USP24: variants seen among roughly 807,000 people sequenced by gnomAD.
USP24 encodes the protein ubiquitin specific peptidase 24, also known as ubiquitin carboxyl-terminal hydrolase 24.
Under a neutral mutation model 361.6 loss-of-function variants are expected in USP24, and 97 were observed. The ratio of observed to expected loss-of-function variants is 0.27; its 90% confidence interval spans 0.23 to 0.32. The LOEUF (loss-of-function observed/expected upper bound fraction) is 0.32, where lower values mean the gene tolerates loss of function less well. USP24 is among the 10% of genes least tolerant of loss of function. The probability of loss-of-function intolerance (pLI) is 1.00; values close to 1 mark genes in which losing one functional copy is unlikely to be tolerated. For missense variants in USP24, 2,353 were observed against 3,165.6 expected (o/e 0.74, Z 6.16); for synonymous variants, 1,098 against 1,124.6 (o/e 0.98, Z 0.47).
At position 55,146,009 on chromosome 1, in the gene USP24, A is replaced by G; in HGVS notation, c.2351T>C (p.Ile784Thr). The G allele has an allele frequency of 1.9e-6, 3 of 1,610,436 alleles. No homozygotes were observed. The highest frequency in any genetic ancestry group is 2.5e-6 in the Non-Finnish European group (3 of 1,177,602). The stretch of plus-strand genomic sequence containing the variant: ...AAGTTTTTTCCTACCATTCATAGTG[A>G]TTTCATATGACTCCAATTTAAGAAT... ...EKILKLESYE[I>T]TMNGFNLFKT... is the part of the protein sequence containing the mutation. The change falls in exon 20 of 68, where the codon ATC (isoleucine) becomes ACC (threonine). Residue 784 changes from isoleucine to threonine, a missense_variant. Physicochemically the swap from Ile to Thr is moderately conservative, Grantham distance 89. This residue lies in a region of USP24 where 949 missense variants were observed against 1,280.5 expected (regional missense o/e 0.74). Coordinates refer to ENST00000294383, the MANE Select transcript of USP24 (RefSeq NM_015306.3).
intron 7 of USP24, among the ~76,000 whole-genome samples, 185 bp from the exon 8 acceptor site, chr1:55,162,449 A>G (rs956186098): frequency 6.6e-6 from 1 of 152,234 alleles, no homozygotes; most frequent in African/African-American, 2.4e-5. Context: ...CAACCCGCTT[A>G]AATTATTATA....
At position 55,073,869 on chromosome 1, in the gene USP24, G is replaced by A; in HGVS notation, c.7485C>T (p.Arg2495=). The A allele has an allele frequency of 6.3e-7, 1 of 1,582,084 alleles. No homozygotes were observed. The highest frequency in any genetic ancestry group is 8.6e-7 in the Non-Finnish European group (1 of 1,163,292). ...MHHSNHVDSS[R]CYQCVKFLVT... is the part of the protein sequence containing the mutation. ...CAAGAAATTTGACACACTGGTAGCAGCGACTACTGTCCACATGATTACTGT... is the reference window on the plus strand; with the variant it reads ...CAAGAAATTTGACACACTGGTAGCAACGACTACTGTCCACATGATTACTGT... The change falls in exon 64 of 68, where the codon CGC becomes CGT. Residue 2495 remains arginine, a synonymous_variant. Transcript: ENST00000294383.
rs1405881606 is a variant in USP24, at chr1:55,154,449, A to C, written c.1572T>G (p.Ser524Arg). 1.3e-6 allele frequency: 2 copies of C among 1,551,108 alleles called. No homozygotes were observed. The highest frequency in any genetic ancestry group is 1.7e-6 in the Non-Finnish European group (2 of 1,146,782). ...TCAAAAGCTTCTGTCTTACTCTATC[A>C]CTCTCAGTCTCCCAGCTCTGTAGAA... The part of the protein sequence containing the change: ...VLIQKSWETE[S>R]DRVRQKLLSL... The change falls in exon 14 of 68, where the codon AGT becomes AGG. Residue 524 changes from serine (S) to arginine (R), a missense_variant. Ser to Arg is a moderately radical substitution (Grantham distance 110). Around this residue, in one of 8 missense-constraint regions of USP24, gnomAD observed 386 missense variants for 560.5 expected, o/e 0.69. Coordinates refer to ENST00000294383, the MANE Select transcript of USP24 (RefSeq NM_015306.3).
At chr1:55,190,164 C>CAAAAAAA (rs397696116) in intron 1 of USP24, among the ~76,000 whole-genome samples, 6 of 78,646 alleles carry the variant, frequency 7.6e-5, no homozygotes, top group South Asian at 5.1e-4. Context: ...GACTCCATCT[C>CAAAAAAA]AAAAAAAAAA....
Position 55,103,894 on chromosome 1 carries a change from A to C in USP24, c.5007T>G (p.Ala1669=), listed in dbSNP as rs759690406. Residue 1669 remains alanine, a synonymous_variant, in exon 42 of 68, where the codon GCT becomes GCG. Coordinates refer to ENST00000294383, the MANE Select transcript of USP24 (RefSeq NM_015306.3). ...LLSMHHQPDP[A]LTKEFDYLPP... ...AACCTACATCAAACTCCTTGGTAAGAGCAGGGTCAGGCTGGTGATGCATAG... is the reference window on the plus strand; with the variant it reads ...AACCTACATCAAACTCCTTGGTAAGCGCAGGGTCAGGCTGGTGATGCATAG... 1.9e-6 allele frequency: 3 copies of C among 1,613,054 alleles called. No homozygotes were observed. The highest frequency in any genetic ancestry group is 1.7e-6 in the Non-Finnish European group (2 of 1,179,446).
At chr1:55,087,125 T>C (rs948324781) in intron 55 of USP24, among the ~76,000 whole-genome samples, 5 of 152,216 alleles carry the variant, frequency 3.3e-5, no homozygotes, top group Non-Finnish European at 7.3e-5. Context: ...GTATAGTATA[T>C]ATACTTATTT....
intron 1 of USP24, among the ~76,000 whole-genome samples, chr1:55,205,125 G>C (rs191635352): frequency 3.9e-4 from 60 of 152,272 alleles, no homozygotes; most frequent in Admixed American, 7.8e-4. Flanking sequence ...ACCAGGGAAG[G>C]CCATGTCAGC....
chr1:55,074,960 A>G (rs1489216649), intron 63 of USP24, among the ~76,000 whole-genome samples: 1 of 152,242 alleles, frequency 6.6e-6, no homozygotes. Context: ...TCTAATAAAT[A>G]GCTCAGGAAA....
At chr1:55,115,082 G>A (rs1646067508) in intron 38 of USP24, among the ~76,000 whole-genome samples, 1 of 151,938 alleles carries the variant, frequency 6.6e-6, no homozygotes, top group African/African-American at 2.4e-5. Flanking sequence ...ATGGGCAAAG[G>A]ATATGAACAG....
At position 55,083,812 on chromosome 1, in the gene USP24, C is replaced by G. The variant is rs1645198302; in HGVS notation, c.6842G>C (p.Cys2281Ser). 6.2e-7 allele frequency: 1 copy of G among 1,603,688 alleles called. No homozygotes were observed. ...DKDVPENCKN[C>S]AQYFFLFNTF... is the part of the protein sequence containing the mutation. ...GTTGAACAGGAAAAAGTACTGAGCA[C>G]AGTTTTTACAATTTTCTGGGACGTC... The change falls in exon 57 of 68, where the codon TGT (cysteine) becomes TCT (serine). Residue 2281 changes from cysteine to serine, a missense_variant. This residue lies in a region of USP24 where 598 missense variants were observed against 761.9 expected (regional missense o/e 0.78). Coordinates refer to ENST00000294383, the MANE Select transcript of USP24 (RefSeq NM_015306.3).
At chr1:55,171,198 T>G (rs1016702643) in intron 5 of USP24, among the ~76,000 whole-genome samples, 1 of 152,206 alleles carries the variant, frequency 6.6e-6, no homozygotes, top group African/African-American at 2.4e-5. Flanking sequence ...AAGTACTAGA[T>G]TATTTTTTCT....
intron 32 of USP24, among the ~76,000 whole-genome samples, chr1:55,127,376 G>A (rs1002381627): frequency 2.0e-5 from 3 of 152,116 alleles, no homozygotes; most frequent in Non-Finnish European, 2.9e-5. Context: ...TTTCATCCAT[G>A]TCCCTACAAA....
intron 38 of USP24, among the ~76,000 whole-genome samples, chr1:55,117,169 T>C (rs573468578): frequency 6.6e-6 from 1 of 152,204 alleles, no homozygotes; most frequent in Admixed American, 6.5e-5. Flanking sequence ...AAACTACAAA[T>C]AGAAGGAAAC....
chr1:55,134,088 A>C lies in USP24; in HGVS notation c.3363T>G (p.Leu1121=). The change falls in exon 30 of 68, where the codon CTT becomes CTG. Residue 1121 remains leucine (L), a synonymous_variant. Transcript: ENST00000294383. ...CTCATACCTTTCTTCCTAAAGAATC[A>C]AGTTGATCAAGGGCTTCCTGAATGG... is the stretch of plus-strand genomic sequence containing the variant. ...DPAIQEALDQ[L]DSLGRKKTLL... is the part of the protein sequence containing the mutation. 1 of 1,613,732 alleles carries C rather than the reference A, an allele frequency of 6.2e-7. No individual in the cohort carries two copies. Among genetic ancestry groups the C allele is most frequent in the South Asian group, 1.1e-5 (1 of 91,048 alleles).
intron 28 of USP24, among the ~76,000 whole-genome samples, chr1:55,134,894 G>A (rs140209517): frequency 1.3e-5 from 2 of 152,124 alleles, no homozygotes; most frequent in South Asian, 4.1e-4. Context: ...GATCAGAAAA[G>A]ACAAAATGGT....
intron 41 of USP24, 77 bp downstream of exon 41, chr1:55,106,069 G>C: frequency 1.7e-6 from 2 of 1,152,364 alleles, no homozygotes; most frequent in Non-Finnish European, 2.6e-6. Flanking sequence ...CAAACTCCAA[G>C]TTAACAAAAT....
At chr1:55,090,239 A>AT (rs1305781998) in intron 54 of USP24, among the ~76,000 whole-genome samples, 1 of 152,152 alleles carries the variant, frequency 6.6e-6, no homozygotes, top group Non-Finnish European at 1.5e-5. Flanking sequence ...CCAAGCCCTC[A>AT]TAACACCTCC....
intron 21 of USP24, among the ~76,000 whole-genome samples, 193 bp from the exon 22 acceptor site, chr1:55,143,312 C>A (rs1646940609): frequency 6.6e-6 from 1 of 152,182 alleles, no homozygotes; most frequent in Non-Finnish European, 1.5e-5. Flanking sequence ...ACCACAGAAG[C>A]ACTGGGCAAA....
intron 42 of USP24, among the ~76,000 whole-genome samples, chr1:55,103,266 G>A (rs1191599583): frequency 2.0e-5 from 3 of 152,070 alleles, no homozygotes; most frequent in Non-Finnish European, 4.4e-5. Flanking sequence ...TTAAGTTTCA[G>A]CTCCTCTAAG....
Sources: allele counts gnomAD v4.1 joint callset (sites outside exome capture counted in the v4.1 genomes callset), GRCh38; gene constraint gnomAD v4.1.1; regional missense constraint gnomAD v4.1.1; transcripts MANE v1.5; gene names NCBI Gene and HGNC (gene_info 2026-07-23, HGNC 2026-07-21).